The following PSG9 variants were observed in gnomAD, a reference collection of about 807,000 sequenced individuals.
The protein encoded by PSG9 is pregnancy specific beta-1-glycoprotein 9, also known as pregnancy-specific beta-1-glycoprotein 9.
Under a neutral mutation model 41.9 loss-of-function variants are expected in PSG9, and 49 were observed. The observed-to-expected ratio is 1.17, with a 90% CI of 0.93 to 1.48. PSG9 has a LOEUF of 1.48. Ranked by LOEUF, PSG9 falls within the 40% of genes most tolerant of loss-of-function variation. The pLI is 0.00. For missense variants in PSG9, 641 were observed against 520.3 expected, an observed-to-expected ratio of 1.23 and a Z score of -2.26; for synonymous variants, 263 against 196.8, an observed-to-expected ratio of 1.34 and a Z score of -2.82.
chr19:43,267,714 C>T (rs1462355905), intron 2 of PSG9, 70 bp downstream of exon 2: 2 of 1,601,800 alleles, frequency 1.2e-6, no homozygotes, highest in East Asian at 2.2e-5. Flanking sequence ...CCAGGCCTGA[C>T]AATCCTGTGT....
rs564153971 is a variant in PSG9 at position 43,257,678 on chromosome 19, C to T, written c.1243+524G>A. On this transcript the variant is annotated intron_variant, in intron 5 of 5. Coordinates refer to ENST00000270077, the MANE Select transcript of PSG9 (RefSeq NM_002784.5). ...TTTCTACACACACGCTAGTCCCACC[C>T]CAGGTTGAGTGAGGCAGGGCCAGTC... 37 of 1,084,178 alleles carry T rather than the reference C, an allele frequency of 3.4e-5. 4 individuals carry two copies. The African/African-American group carries it at 5.3e-4, about 15-fold the overall frequency. The allele number at this position is 1,084,178 out of a possible 1,614,324, so 67.2% of individuals were successfully genotyped here. A position where few individuals can be genotyped will look rare whatever the true frequency, so the allele number is the denominator to read the frequency against.
At chr19:43,267,633 C>T in intron 2 of PSG9, 151 bp downstream of exon 2, 1 of 1,334,542 alleles carries the variant, frequency 7.5e-7, no homozygotes, top group Non-Finnish European at 1.1e-6. Flanking sequence ...TTTGTCTCCT[C>T]TGTGTGTGTC....
At chr19:43,259,191 G>A in intron 3 of PSG9, 56 bp from the exon 4 acceptor site, 1 of 1,565,722 alleles carries the variant, frequency 6.4e-7, no homozygotes, top group Non-Finnish European at 8.6e-7. Context: ...TTCCTCCACA[G>A]GCATACTTCA....
At chr19:43,266,219 C>T (rs918176297) in intron 2 of PSG9, among the ~76,000 whole-genome samples, 21 of 151,640 alleles carry the variant, frequency 1.4e-4, no homozygotes, top group East Asian at 7.8e-4. Context: ...GAGAACCCTC[C>T]GGTGGCCAAA....
intron 2 of PSG9, 88 bp from the exon 3 acceptor site, chr19:43,262,226 C>T (rs902135386): frequency 2.6e-6 from 4 of 1,547,924 alleles, no homozygotes; most frequent in Non-Finnish European, 3.5e-6. Context: ...CATTTCCCAC[C>T]TCTCAGCCCA....
intron 3 of PSG9, 93 bp from the exon 4 acceptor site, chr19:43,259,228 A>C: frequency 1.3e-6 from 2 of 1,514,078 alleles, no homozygotes; most frequent in Non-Finnish European, 1.8e-6. Context: ...CCCACCTCTC[A>C]GCCCACCCGA....
intron 2 of PSG9, among the ~76,000 whole-genome samples, chr19:43,265,704 A>ATT (rs534812305): frequency 6.6e-6 from 1 of 151,878 alleles, no homozygotes; most frequent in Non-Finnish European, 1.5e-5. Flanking sequence ...CATTTCAATA[A>ATT]TTTTTTTTGT....
At chr19:43,261,731 C>A in intron 3 of PSG9, 129 bp downstream of exon 3, 1 of 1,606,720 alleles carries the variant, frequency 6.2e-7, no homozygotes, top group Non-Finnish European at 8.5e-7. Context: ...GGCAGAAAGT[C>A]ATGGCCAGCT....
intron 3 of PSG9, 86 bp downstream of exon 3, chr19:43,261,774 G>T: frequency 1.9e-6 from 3 of 1,613,556 alleles, no homozygotes. Context: ...TCTGTACTTG[G>T]ACCTGAGAGG....
rs745814525 is a variant in PSG9 at position 43,262,158 on chromosome 19, A to G, written c.431-20T>C. 6.2e-7 allele frequency: 1 copy of G among 1,605,474 alleles called. No homozygotes were observed. The highest frequency in any genetic ancestry group is 8.5e-7 in the Non-Finnish European group (1 of 1,174,478). ...TCTCCACTGTGCAGAAAACAGAGAG[A>G]AGATTGCCCTGTGTGGCACCTTTGA... On this transcript the variant is annotated intron_variant, in intron 2 of 5. Transcript: ENST00000270077.
rs542241048 is a variant in PSG9, at chr19:43,259,202, A to G, written c.710-67T>C. On this transcript the variant is annotated intron_variant, in intron 3 of 5. Coordinates refer to ENST00000270077, the MANE Select transcript of PSG9 (RefSeq NM_002784.5). Reference sequence around the variant, plus strand: ...TTGATTCCTCCACAGGCATACTTCAATCAGAGTTGGCATCTCCCACCTCTC... The same window carrying G: ...TTGATTCCTCCACAGGCATACTTCAGTCAGAGTTGGCATCTCCCACCTCTC... 101 of 1,555,346 alleles carry G rather than the reference A, an allele frequency of 6.5e-5. 22 individuals are homozygous for G. In the East Asian group the frequency reaches 2.5e-3, roughly 39 times the overall value.
chr19:43,257,925 C>T, intron 5 of PSG9: 1 of 1,414,790 alleles, frequency 7.1e-7, no homozygotes, highest in South Asian at 1.7e-5. Flanking sequence ...TCCTTCTTGT[C>T]CCTCTCTGAA....
intron 5 of PSG9, among the ~76,000 whole-genome samples, chr19:43,256,798 T>C (rs1282872420): frequency 6.8e-6 from 1 of 146,810 alleles, no homozygotes; most frequent in African/African-American, 2.6e-5. Flanking sequence ...GTGTGGCTGT[T>C]TCTCAAAAAA....
chr19:43,263,529 G>A (rs1429563823), intron 2 of PSG9, among the ~76,000 whole-genome samples: 5 of 150,832 alleles, frequency 3.3e-5, no homozygotes, highest in Non-Finnish European at 7.4e-5. Flanking sequence ...TTGTTATACT[G>A]TAATTTTCCC....
chr19:43,256,214 G>C (rs1968439437), intron 5 of PSG9, among the ~76,000 whole-genome samples: 1 of 146,314 alleles, frequency 6.8e-6, no homozygotes, highest in Non-Finnish European at 1.5e-5. Flanking sequence ...ACCCACAATA[G>C]ATCAAAGATC....
chr19:43,267,556 C>A (rs950631844), intron 2 of PSG9, among the ~76,000 whole-genome samples: 3 of 152,282 alleles, frequency 2.0e-5, no homozygotes, highest in South Asian at 2.1e-4. Flanking sequence ...CCCCATCAGA[C>A]TGTCCTTCCT....
At chr19:43,266,725 G>T (rs1046625850) in intron 2 of PSG9, among the ~76,000 whole-genome samples, 2 of 152,114 alleles carry the variant, frequency 1.3e-5, no homozygotes, top group Non-Finnish European at 2.9e-5. Context: ...GCCAATAAAT[G>T]ACTATGGGGT....
At chr19:43,256,026 T>G (rs1968432730) in intron 5 of PSG9, among the ~76,000 whole-genome samples, 1 of 146,672 alleles carries the variant, frequency 6.8e-6, no homozygotes, top group Admixed American at 6.8e-5. Context: ...TTGTATCTCA[T>G]GACTCTAAAT....
rs1462551201 is a variant in PSG9 at position 43,263,409 on chromosome 19, A to T, written c.431-1271T>A. Among the ~76,000 whole-genome samples, 4 of 152,142 alleles carry T rather than the reference A, an allele frequency of 2.6e-5. 1 individual carries two copies. The highest frequency in any genetic ancestry group is 1.5e-5 in the Non-Finnish European group (1 of 68,012). ...TTAGCATCCCAAATCTGAAAAATTT[A>T]AAATCCACAATGCGCCAGTGAGCAC... On this transcript the variant is annotated intron_variant, in intron 2 of 5. Coordinates refer to ENST00000270077, the MANE Select transcript of PSG9 (RefSeq NM_002784.5).
Sources: gnomAD v4.1 joint callset for allele counts (sites outside exome capture counted in the v4.1 genomes callset) on GRCh38, gnomAD v4.1.1 for gene constraint, MANE v1.5 for transcripts, NCBI Gene and HGNC (gene_info 2026-07-23, HGNC 2026-07-21) for gene names.